Variants in ARHGAP19 observed in about 807,000 individuals in gnomAD.
The protein encoded by ARHGAP19 is Rho GTPase activating protein 19, also known as rho GTPase-activating protein 19.
In ARHGAP19, 48 loss-of-function variants were observed where a neutral mutation model predicts 60.9. The ratio of observed to expected loss-of-function variants is 0.79; its 90% CI spans 0.62 to 1.00. The LOEUF is 1.00. ARHGAP19 is among the 50% of genes least tolerant of loss of function. ARHGAP19 has a pLI of 0.00. For synonymous variants in ARHGAP19, 209 were observed against 215.5 expected, an observed-to-expected ratio of 0.97 and a Z score of 0.27; for missense variants, 562 against 597.2, an observed-to-expected ratio of 0.94 and a Z score of 0.61.
chr10:97,240,493 A>T (rs910258655), intron 8 of ARHGAP19, among the ~76,000 whole-genome samples: 1 of 152,188 alleles, frequency 6.6e-6, no homozygotes, highest in Non-Finnish European at 1.5e-5. Flanking sequence ...CTCTACTAAA[A>T]ATACAAAATT....
chr10:97,259,618 C>G lies in ARHGAP19; in HGVS notation c.624G>C (p.Gln208His), dbSNP rs756602026. 3.1e-6 allele frequency: 5 copies of G among 1,613,804 alleles called. No homozygotes were observed. The highest frequency in any genetic ancestry group is 4.2e-6 in the Non-Finnish European group (5 of 1,179,848). The change falls in exon 5 of 12, where the codon CAG becomes CAC. Residue 208 changes from glutamine (Q) to histidine (H), a missense_variant. Transcript: ENST00000358531. ...NAHLKIADLM[Q>H]FDDKGNKTNI... ...TGGTCTTGTTTCCTTTATCATCAAA[C>G]TGCATCAAATCTTGAGGACAAAAGA...
chr10:97,282,987 C>T (rs907444795), intron 1 of ARHGAP19, among the ~76,000 whole-genome samples: 40 of 151,654 alleles, frequency 2.6e-4, no homozygotes, highest in African/African-American at 9.7e-4. Flanking sequence ...GGATTACAGG[C>T]GTCTGCCACC....
rs1004212783 is a variant in ARHGAP19, at chr10:97,226,142, A to C, written c.1475-10T>G. 1 of 1,613,738 alleles carries C rather than the reference A, an allele frequency of 6.2e-7. No homozygotes were observed. The highest frequency in any genetic ancestry group is 8.5e-7 in the Non-Finnish European group (1 of 1,179,704). On this transcript the variant is annotated splice_polypyrimidine_tract_variant and intron_variant, in intron 11 of 11. Transcript: ENST00000358531. ...ATCCTTCAGAGAAATCCTAGGTTGA[A>C]GGAAAAACAAGAGCGTTAGACATGT...
intron 7 of ARHGAP19, 77 bp from the exon 8 acceptor site, chr10:97,244,236 C>G (rs980306136): frequency 4.0e-6 from 5 of 1,237,752 alleles, no homozygotes; most frequent in Non-Finnish European, 5.6e-6. Context: ...AAACCTGGAA[C>G]AAAAAAAGGG....
chr10:97,290,760 G>A (rs1843220174), intron 1 of ARHGAP19, among the ~76,000 whole-genome samples: 1 of 152,024 alleles, frequency 6.6e-6, no homozygotes, highest in African/African-American at 2.4e-5. Context: ...AAGATCCACC[G>A]CGGACCCCTG....
chr10:97,257,642 G>A (rs1169406258), intron 5 of ARHGAP19, among the ~76,000 whole-genome samples: 1 of 151,854 alleles, frequency 6.6e-6, no homozygotes, highest in Non-Finnish European at 1.5e-5. Context: ...CTATAGTCTT[G>A]GTTAGCTGGT....
chr10:97,259,601 T>C lies in ARHGAP19; in HGVS notation c.641A>G (p.Asn214Ser). ...ADLMQFDDKG[N>S]KTNIPDKDRQ... ...GTCCTTGTCTGGTATATTGGTCTTG[T>C]TTCCTTTATCATCAAACTGCATCAA... Residue 214 changes from asparagine (N) to serine (S), a missense_variant, in exon 5 of 12, where the codon AAC (asparagine) becomes AGC (serine). By Grantham distance (46) the Asn-to-Ser change is conservative. Coordinates refer to ENST00000358531, the MANE Select transcript of ARHGAP19 (RefSeq NM_032900.6). The C allele has an allele frequency of 1.2e-6, 2 of 1,614,162 alleles. No homozygotes were observed. The highest frequency in any genetic ancestry group is 1.1e-5 in the South Asian group (1 of 91,076).
chr10:97,243,174 G>A (rs1842514597), intron 8 of ARHGAP19, among the ~76,000 whole-genome samples: 1 of 152,114 alleles, frequency 6.6e-6, no homozygotes, highest in African/African-American at 2.4e-5. Context: ...GAACAGCTCA[G>A]TTCACCATTA....
intron 3 of ARHGAP19, among the ~76,000 whole-genome samples, 169 bp downstream of exon 3, chr10:97,264,657 A>G (rs1356176121): frequency 1.3e-5 from 2 of 152,214 alleles, no homozygotes; most frequent in Non-Finnish European, 2.9e-5. Flanking sequence ...TGAATATATG[A>G]GATGAAGTTT....
chr10:97,238,455 C>T (rs1334813159), intron 8 of ARHGAP19, among the ~76,000 whole-genome samples: 1 of 152,134 alleles, frequency 6.6e-6, no homozygotes, highest in Admixed American at 6.6e-5. Context: ...TGGCTTAAAG[C>T]AGTCCTCCCA....
chr10:97,253,591 A>G (rs1475127913), intron 6 of ARHGAP19, among the ~76,000 whole-genome samples: 3 of 152,178 alleles, frequency 2.0e-5, no homozygotes, highest in Non-Finnish European at 4.4e-5. Context: ...CAGCATGACT[A>G]TAGTTAACAA....
intron 6 of ARHGAP19, among the ~76,000 whole-genome samples, chr10:97,248,475 C>A (rs1253392): frequency 0.9 from 136,417 of 152,142 alleles, 61,818 homozygotes; most frequent in Non-Finnish European, 0.97. Flanking sequence ...ATACAAAATA[C>A]AAGAAGCCAA....
intron 1 of ARHGAP19, among the ~76,000 whole-genome samples, chr10:97,279,604 C>T (rs1474314328): frequency 6.6e-6 from 1 of 152,090 alleles, no homozygotes; most frequent in Non-Finnish European, 1.5e-5. Flanking sequence ...ACAATTCCCC[C>T]ACCTCGTCCT....
intron 9 of ARHGAP19, among the ~76,000 whole-genome samples, chr10:97,230,274 C>T (rs371237595): frequency 7.9e-5 from 12 of 152,272 alleles, no homozygotes; most frequent in Admixed American, 7.2e-4. Context: ...AAAAGTCCCT[C>T]CCCCCTACTT....
chr10:97,271,230 T>C (rs1277882733), intron 1 of ARHGAP19, among the ~76,000 whole-genome samples: 2 of 152,008 alleles, frequency 1.3e-5, no homozygotes, highest in African/African-American at 4.8e-5. Context: ...GAGAAATGGA[T>C]AAAAGGGGAA....
At position 97,227,558 on chromosome 10, in the gene ARHGAP19, G is replaced by A. The variant is rs111464059; in HGVS notation, c.1475-1426C>T. On this transcript the variant is annotated intron_variant, in intron 11 of 11. Transcript: ENST00000358531. ...AAAAGAATTAAAGAGGAAGAAGAACGAGAATAATGTAGCATCATAACACCA... is the reference window on the plus strand; with the variant it reads ...AAAAGAATTAAAGAGGAAGAAGAACAAGAATAATGTAGCATCATAACACCA... Among the ~76,000 whole-genome samples the A allele has an allele frequency of 3.0e-3, 463 of 152,240 alleles. 2 individuals are homozygous for A. The highest frequency in any genetic ancestry group is 0.01 in the African/African-American group (424 of 41,540).
chr10:97,240,891 CT>C (rs1319085151), intron 8 of ARHGAP19, among the ~76,000 whole-genome samples: 2 of 152,140 alleles, frequency 1.3e-5, no homozygotes, highest in Non-Finnish European at 2.9e-5. Flanking sequence ...CAGTGGTTAC[CT>C]CTGGATGTGT....
intron 1 of ARHGAP19, 131 bp from the exon 2 acceptor site, chr10:97,266,256 GC>G: frequency 9.8e-7 from 1 of 1,019,468 alleles, no homozygotes; most frequent in Non-Finnish European, 1.4e-6. Context: ...CTTTAACTGA[GC>G]CAGATGCCCT....
intron 6 of ARHGAP19, among the ~76,000 whole-genome samples, chr10:97,248,974 G>A (rs968379144): frequency 3.3e-5 from 5 of 151,984 alleles, no homozygotes; most frequent in Admixed American, 6.6e-5. Context: ...GTGCCATCAC[G>A]CCCGGCTAAT....
Sources: allele counts gnomAD v4.1 joint callset (sites outside exome capture counted in the v4.1 genomes callset), GRCh38; gene constraint gnomAD v4.1.1; transcripts MANE v1.5; gene names NCBI Gene and HGNC (gene_info 2026-07-23, HGNC 2026-07-21).